The following MAP4K2 variants were observed in gnomAD, a reference collection of about 807,000 sequenced individuals.
MAP4K2 encodes the protein B lymphocyte serine/threonine protein kinase.
Under a neutral mutation model 125.3 loss-of-function variants are expected in MAP4K2, and 85 were observed. The ratio of observed to expected loss-of-function variants is 0.68; its 90% CI spans 0.57 to 0.81. The LOEUF is 0.81. Ranked by LOEUF, MAP4K2 falls within the 40% of genes least tolerant of loss-of-function variation. The pLI, the probability that MAP4K2 is intolerant of heterozygous loss-of-function variation, is 0.00. For missense variants in MAP4K2, 923 were observed against 1,056.4 expected (o/e 0.87, Z 1.75); for synonymous variants, 479 against 445.1 (o/e 1.08, Z -0.96).
At chr11:64,794,310 T>C (rs1270147880) in intron 24 of MAP4K2, among the ~76,000 whole-genome samples, 1 of 152,220 alleles carries the variant, frequency 6.6e-6, no homozygotes, top group Non-Finnish European at 1.5e-5. Flanking sequence ...CAGGAAATCC[T>C]ACTGGCTCAA....
chr11:64,797,288 C>T lies in MAP4K2; in HGVS notation c.1263G>A (p.Leu421=). Residue 421 remains leucine (L), a synonymous_variant, in exon 18 of 32, where the codon CTG becomes CTA. Coordinates refer to ENST00000294066, the MANE Select transcript of MAP4K2 (RefSeq NM_004579.5). Reference sequence around the variant, plus strand: ...CCTGAGACTCACCTGGGGGACTGGACAGAGGCTCCTCTGCTGGAGGGTCAG... The same window carrying T: ...CCTGAGACTCACCTGGGGGACTGGATAGAGGCTCCTCTGCTGGAGGGTCAG... The part of the protein sequence containing the change: ...LPTDPPAEEP[L]SSPPGTLPPP... The T allele has an allele frequency of 6.2e-7, 1 of 1,601,382 alleles. No individual in the cohort carries two copies. The highest frequency in any genetic ancestry group is 8.5e-7 in the Non-Finnish European group (1 of 1,174,124).
At chr11:64,790,371 A>G in intron 28 of MAP4K2, 23 bp downstream of exon 28, 1 of 1,613,816 alleles carries the variant, frequency 6.2e-7, no homozygotes, top group Non-Finnish European at 8.5e-7. Flanking sequence ...CCCTGCCCTA[A>G]GCCCTGCCCC....
At chr11:64,802,973 G>A (rs1158289540) in intron 1 of MAP4K2, 31 bp from the exon 2 acceptor site, 3 of 1,556,820 alleles carry the variant, frequency 1.9e-6, no homozygotes, top group Non-Finnish European at 2.6e-6. Flanking sequence ...GCGGGATGGG[G>A]GGCGGGGCCG....
chr11:64,789,909 G>GGCCTTGCATCCCATGGCTCCA lies in MAP4K2; in HGVS notation c.2278_2298dup (p.Trp760_Gly766dup). 1.2e-6 allele frequency: 2 copies of GGCCTTGCATCCCATGGCTCCA among 1,613,842 alleles called. No individual in the cohort carries two copies. The highest frequency in any genetic ancestry group is 1.7e-6 in the Non-Finnish European group (2 of 1,179,970). On this transcript the variant is annotated inframe_insertion, in exon 30 of 32. Coordinates refer to ENST00000294066, the MANE Select transcript of MAP4K2 (RefSeq NM_004579.5). ...CTCACCTCATTGGTATCCAGGCTTC[G>GGCCTTGCATCCCATGGCTCCA]GCCTTGCATCCCATGGCTCCAGAAG...
Position 64,797,085 on chromosome 11 carries a change from C to G in MAP4K2, c.1365+19G>C. On this transcript the variant is annotated intron_variant, in intron 19 of 31. Coordinates refer to ENST00000294066, the MANE Select transcript of MAP4K2 (RefSeq NM_004579.5). ...GCTGTAGCCGCCCGTCTCCCCACCC[C>G]ACTGTAGCACCCTCTTACCTCAGGA... The G allele has an allele frequency of 4.3e-6, 7 of 1,614,142 alleles. No individual in the cohort carries two copies. The highest frequency in any genetic ancestry group is 5.9e-6 in the Non-Finnish European group (7 of 1,180,012).
intron 5 of MAP4K2, 135 bp from the exon 6 acceptor site, chr11:64,801,892 A>T: frequency 8.6e-7 from 1 of 1,163,062 alleles, no homozygotes; most frequent in East Asian, 2.5e-5. Flanking sequence ...GACTGAGCCA[A>T]GAGGGAAATG....
At chr11:64,797,796 C>G (rs1940917395) in intron 15 of MAP4K2, 132 bp from the exon 16 acceptor site, 15 of 864,768 alleles carry the variant, frequency 1.7e-5, no homozygotes, top group Middle Eastern at 3.6e-4. Context: ...AGCTCCGCCC[C>G]CCAAGTTCAC....
chr11:64,798,141 G>A (rs1014528173), intron 15 of MAP4K2, among the ~76,000 whole-genome samples: 10 of 151,942 alleles, frequency 6.6e-5, no homozygotes, highest in African/African-American at 1.9e-4. Context: ...ACAGGCGTGG[G>A]CCACCATGCC....
At chr11:64,792,748 G>A (rs1940576318) in intron 24 of MAP4K2, among the ~76,000 whole-genome samples, 1 of 152,084 alleles carries the variant, frequency 6.6e-6, no homozygotes, top group Non-Finnish European at 1.5e-5. Context: ...GATAATGGCG[G>A]GCCCCACCCC....
chr11:64,789,544 G>C lies in MAP4K2; in HGVS notation c.2456C>G (p.Thr819Ser). Residue 819 changes from threonine (T) to serine (S), a missense_variant, in exon 32 of 32, where the codon ACC becomes AGC. Thr to Ser is a moderately conservative substitution (Grantham distance 58, BLOSUM62 1). Around this residue, in one of 2 missense-constraint regions of MAP4K2, gnomAD observed 90 missense variants for 144.9 expected, o/e 0.62. Coordinates refer to ENST00000294066, the MANE Select transcript of MAP4K2 (RefSeq NM_004579.5). ...NLYILTGHQSTY is the reference protein window; with the variant it reads ...NLYILTGHQSSY ...TGGACAGGCCCGCTGCTCTTAGTAG[G>C]TGCTCTGGTGGCCCGTGAGGATGTA... The C allele has an allele frequency of 6.3e-7, 1 of 1,583,254 alleles. No homozygotes were observed. The highest frequency in any genetic ancestry group is 8.6e-7 in the Non-Finnish European group (1 of 1,164,078).
chr11:64,793,953 T>C (rs772197601), intron 24 of MAP4K2, among the ~76,000 whole-genome samples: 38 of 152,176 alleles, frequency 2.5e-4, no homozygotes, highest in Non-Finnish European at 3.8e-4. Flanking sequence ...GATGTGGTCC[T>C]GGAGTGAGCA....
At position 64,792,230 on chromosome 11, in the gene MAP4K2, G is replaced by A; in HGVS notation, c.1856C>T (p.Pro619Leu). The part of the protein sequence containing the change: ...TGATFLLAAL[P>L]TSLLLLQWYE... ...CCACTGCAGCAGGAGCAGGCTGGTGGGCAGGGCGGCCAGCAGGAAGGTGGC... is the reference window on the plus strand; with the variant it reads ...CCACTGCAGCAGGAGCAGGCTGGTGAGCAGGGCGGCCAGCAGGAAGGTGGC... Residue 619 changes from proline (P) to leucine (L), a missense_variant, in exon 26 of 32, where the codon CCC becomes CTC. Around this residue, in one of 2 missense-constraint regions of MAP4K2, gnomAD observed 833 missense variants for 911.4 expected, o/e 0.91. Coordinates refer to ENST00000294066, the MANE Select transcript of MAP4K2 (RefSeq NM_004579.5). 1 of 1,612,168 alleles carries A rather than the reference G, an allele frequency of 6.2e-7. No individual in the cohort carries two copies. Among genetic ancestry groups the A allele is most frequent in the Non-Finnish European group, 8.5e-7 (1 of 1,179,650 alleles).
chr11:64,800,053 C>T (rs1490551918), intron 12 of MAP4K2, 56 bp downstream of exon 12: 26 of 1,404,950 alleles, frequency 1.9e-5, no homozygotes, highest in East Asian at 1.2e-4. Flanking sequence ...ACATCACCCT[C>T]GGGCTCTTTC....
rs1210377919 is a variant in MAP4K2, at chr11:64,785,233, G to C, written c.*4304C>G. On this transcript the variant is annotated 3_prime_UTR_variant, in exon 32 of 32. Coordinates refer to ENST00000294066, the MANE Select transcript of MAP4K2 (RefSeq NM_004579.5). ...GGGGATGGGAGGCAAGAAGCAGGAG[G>C]GTGGGCTTACCAAGGGCATGGGAAA... 1 of 152,370 alleles carries C rather than the reference G, an allele frequency of 6.6e-6. No homozygotes were observed. The highest frequency in any genetic ancestry group is 1.5e-5 in the Non-Finnish European group (1 of 68,060). 9.4% of individuals were successfully genotyped at this position (152,370 alleles called of 1,614,324 possible). A position where few individuals can be genotyped will look rare whatever the true frequency, so the allele number is the denominator to read the frequency against.
chr11:64,802,460 A>G lies in MAP4K2; in HGVS notation c.269T>C (p.Met90Thr), dbSNP rs1010601975. 7.3e-6 allele frequency: 11 copies of G among 1,516,498 alleles called. No individual in the cohort carries two copies. The highest frequency in any genetic ancestry group is 6.6e-5 in the Admixed American group (3 of 45,242). The allele number at this position is 1,516,498 out of a possible 1,614,324, so 93.9% of individuals were successfully genotyped here. A position where few individuals can be genotyped will look rare whatever the true frequency, so the allele number is the denominator to read the frequency against. The stretch of plus-strand genomic sequence containing the variant: ...CAGGGAGCCCCCTCCGCAGAACTCC[A>G]TGCAGATCCACAAGCGGTCATTCCT... ...YLRNDRLWICMEFCGGGSLQE... is the reference protein window; with the variant it reads ...YLRNDRLWICTEFCGGGSLQE... Residue 90 changes from methionine (M) to threonine (T), a missense_variant, in exon 4 of 32, where the codon ATG becomes ACG. Met to Thr is a moderately conservative substitution (Grantham distance 81, BLOSUM62 -1). Coordinates refer to ENST00000294066, the MANE Select transcript of MAP4K2 (RefSeq NM_004579.5).
chr11:64,802,404 G>A lies in MAP4K2; in HGVS notation c.310+15C>T. On this transcript the variant is annotated intron_variant, in intron 4 of 31. Coordinates refer to ENST00000294066, the MANE Select transcript of MAP4K2 (RefSeq NM_004579.5). ...GAAGGCTGGGGCCTGCTGGGGCCTG[G>A]AGCCCTGGCCTCACCATGGTAAATC... The A allele has an allele frequency of 6.7e-7, 1 of 1,489,640 alleles. No individual in the cohort carries two copies. The highest frequency in any genetic ancestry group is 8.9e-7 in the Non-Finnish European group (1 of 1,119,762). 92.3% of individuals were successfully genotyped at this position (1,489,640 alleles called of 1,614,324 possible).
chr11:64,792,445 C>T (rs1183321867), intron 24 of MAP4K2, 23 bp from the exon 25 acceptor site: 1 of 1,570,004 alleles, frequency 6.4e-7, no homozygotes. Flanking sequence ...TAACCAGGGC[C>T]TGTGTCTGGG....
chr11:64,791,227 C>T (rs1940456677), intron 27 of MAP4K2, among the ~76,000 whole-genome samples: 1 of 148,784 alleles, frequency 6.7e-6, no homozygotes, highest in Non-Finnish European at 1.5e-5. Flanking sequence ...CGTGCGCCCT[C>T]CTTTCTCCCT....
chr11:64,800,098 C>T lies in MAP4K2; in HGVS notation c.915+11G>A, dbSNP rs753056459. On this transcript the variant is annotated intron_variant, in intron 12 of 31. Transcript: ENST00000294066. ...CAGCCCAAGACTCACTTTCCAGCCC[C>T]CCTCACCTACCTCCAGCTCACAGTC... 2.5e-6 allele frequency: 4 copies of T among 1,585,738 alleles called. No homozygotes were observed. The highest frequency in any genetic ancestry group is 3.4e-6 in the Non-Finnish European group (4 of 1,165,420).
Sources: allele counts gnomAD v4.1 joint callset (sites outside exome capture counted in the v4.1 genomes callset), GRCh38; gene constraint gnomAD v4.1.1; regional missense constraint gnomAD v4.1.1; transcripts MANE v1.5; gene names NCBI Gene and HGNC (gene_info 2026-07-23, HGNC 2026-07-21).